SLC11A2: variants seen among roughly 807,000 people sequenced by gnomAD.
SLC11A2 encodes natural resistance-associated macrophage protein 2.
A neutral mutation model predicts 68.0 loss-of-function variants in SLC11A2; 38 were observed. The observed-to-expected ratio is 0.56, with a 90% CI of 0.43 to 0.73. The LOEUF is 0.73. Ranked by LOEUF, SLC11A2 falls within the 30% of genes least tolerant of loss-of-function variation. SLC11A2 has a pLI of 0.00. For missense variants in SLC11A2, 517 were observed against 690.5 expected, an observed-to-expected ratio of 0.75 and a Z score of 2.82; for synonymous variants, 242 against 250.6, an observed-to-expected ratio of 0.97 and a Z score of 0.32.
chr12:50,979,936 G>A (rs117273967), downstream of SLC11A2: 253 of 454,106 alleles, frequency 5.6e-4, no homozygotes, highest in Non-Finnish European at 7.4e-4. Flanking sequence ...AGAAAGAAAT[G>A]AGGAGTGAGC....
At chr12:51,006,881 G>T (rs1942776226) in intron 3 of SLC11A2, among the ~76,000 whole-genome samples, 1 of 152,022 alleles carries the variant, frequency 6.6e-6, no homozygotes, top group South Asian at 2.1e-4. Flanking sequence ...GGGACCACAG[G>T]TGTGCACCAC....
In SLC11A2 at chr12:51,008,607, G is replaced by A; in HGVS notation, c.52C>T (p.His18Tyr). ...TTACCAAGACTGGCAGACTCCCCAT[G>A]ATCTCCAGAAACACTGTCTGAATTA... ...KMSDDSVSGD[H>Y]GESASLGNIN... Residue 18 changes from histidine (H) to tyrosine (Y), a missense_variant, in exon 3 of 16, where the codon CAT (histidine) becomes TAT (tyrosine). His to Tyr is a moderately conservative substitution (Grantham distance 83). Coordinates refer to ENST00000262052, the MANE Select transcript of SLC11A2 (RefSeq NM_000617.3). The A allele has an allele frequency of 6.2e-7, 1 of 1,612,566 alleles. No individual in the cohort carries two copies.
chr12:50,955,772 T>TA, the SLC11A2 span, among the ~76,000 whole-genome samples: 15 of 152,014 alleles, frequency 9.9e-5, no homozygotes, highest in South Asian at 8.3e-4. Context: ...CATTTTTAGT[T>TA]AAAAAAAATT....
At chr12:50,954,062 A>G in the SLC11A2 span, 2 of 1,612,384 alleles carry the variant, frequency 1.2e-6, no homozygotes. Context: ...ACTAATCAGG[A>G]AATCTAGAGA....
downstream of SLC11A2, among the ~76,000 whole-genome samples, chr12:50,985,688 GA>G (rs1940473446): frequency 6.6e-6 from 1 of 152,198 alleles, no homozygotes; most frequent in African/African-American, 2.4e-5. Context: ...TCAGCTTAGA[GA>G]AAAGCAGAAT....
At chr12:50,958,733 T>C in the SLC11A2 span, among the ~76,000 whole-genome samples, 3 of 151,508 alleles carry the variant, frequency 2.0e-5, no homozygotes, top group Admixed American at 6.6e-5. Context: ...ACCCAAAAAA[T>C]AGGCCGGGCA....
rs12313853 is a variant in SLC11A2, at chr12:51,001,725, T to C, written c.430-1306A>G. ...GGCATACACCTGTAGTCCCAACTAC[T>C]TGGGAGGCTGAGGCAGGAGGACAGC... On this transcript the variant is annotated intron_variant, in intron 5 of 15. Transcript: ENST00000262052. Among the ~76,000 whole-genome samples the C allele has an allele frequency of 8.5e-3, 1,288 of 150,866 alleles. 20 individuals are homozygous for C. Among genetic ancestry groups the C allele is most frequent in the African/African-American group, 0.029 (1,190 of 41,102 alleles).
At chr12:50,955,279 A>G in the SLC11A2 span, among the ~76,000 whole-genome samples, 4 of 152,174 alleles carry the variant, frequency 2.6e-5, no homozygotes, top group African/African-American at 9.7e-5. Context: ...GAGAGATACT[A>G]TAATTAGATC....
chr12:50,961,118 T>G, the SLC11A2 span: 1 of 1,612,974 alleles, frequency 6.2e-7, no homozygotes, highest in Non-Finnish European at 8.5e-7. Flanking sequence ...CCGCTTAATT[T>G]GTATCTTATG....
chr12:50,979,018 C>A (rs1177409562), downstream of SLC11A2, among the ~76,000 whole-genome samples: 1 of 152,118 alleles, frequency 6.6e-6, no homozygotes, highest in Non-Finnish European at 1.5e-5. Context: ...TATACATTGT[C>A]AGAGCATCCT....
At chr12:51,013,668 G>A (rs1943409699) in intron 1 of SLC11A2, among the ~76,000 whole-genome samples, 1 of 151,672 alleles carries the variant, frequency 6.6e-6, no homozygotes, top group African/African-American at 2.4e-5. Context: ...TGAGCCCTGG[G>A]GTCAAGGCTG....
rs367647083 is a variant in SLC11A2, at chr12:50,991,637, C to T, written c.1383G>A (p.Thr461=). Residue 461 remains threonine (T), a synonymous_variant, in exon 14 of 16, where the codon ACG becomes ACA. Transcript: ENST00000262052. ...AGTCACTCATTACTGGCCGCAAGCT[C>T]GTAAATGTGAGGATGGGTATGAGAG... ...PFALIPILTF[T]SLRPVMSDFA... 210 of 1,613,722 alleles carry T rather than the reference C, an allele frequency of 1.3e-4. 5 individuals are homozygous for T. The South Asian group carries it at 1.5e-3, about 11-fold the overall frequency.
the SLC11A2 span, among the ~76,000 whole-genome samples, chr12:50,956,349 G>A: frequency 2.2e-4 from 33 of 152,184 alleles, no homozygotes; most frequent in Non-Finnish European, 3.8e-4. Context: ...CCAAGATTGC[G>A]CCACTGCACT....
At chr12:50,993,189 AT>A in intron 11 of SLC11A2, 1 of 194,694 alleles carries the variant, frequency 5.1e-6, no homozygotes, top group Non-Finnish European at 8.9e-6. Flanking sequence ...CATCTTAAAT[AT>A]TAAAAAAAAA....
At chr12:50,968,979 G>A in the SLC11A2 span, among the ~76,000 whole-genome samples, 7 of 151,790 alleles carry the variant, frequency 4.6e-5, no homozygotes, top group Non-Finnish European at 8.8e-5. Flanking sequence ...ACCACGCACC[G>A]CATTTATATT....
chr12:50,983,487 T>A (rs546120997), downstream of SLC11A2, among the ~76,000 whole-genome samples: 14 of 152,310 alleles, frequency 9.2e-5, no homozygotes, highest in African/African-American at 3.4e-4. Flanking sequence ...ATGTCACATA[T>A]ACTTTTGGAG....
the SLC11A2 span, among the ~76,000 whole-genome samples, chr12:50,969,186 AG>A: frequency 6.6e-6 from 1 of 151,898 alleles, no homozygotes; most frequent in Non-Finnish European, 1.5e-5. Context: ...CCCAGCTACT[AG>A]GGGGGCTGAG....
intron 15 of SLC11A2, 79 bp from the exon 16 acceptor site, chr12:50,988,514 A>C (rs927203498): frequency 6.3e-7 from 1 of 1,597,972 alleles, no homozygotes. Flanking sequence ...CTCAAATGCA[A>C]ACCTGCTCCC....
chr12:50,999,570 A>C (rs1163697484), intron 6 of SLC11A2, 155 bp from the exon 7 acceptor site: 3 of 688,316 alleles, frequency 4.4e-6, no homozygotes, highest in East Asian at 5.4e-5. Flanking sequence ...CCTTGGGTAA[A>C]GTAGGGTAAC....
Sources: gnomAD v4.1 joint callset for allele counts (sites outside exome capture counted in the v4.1 genomes callset) on GRCh38, gnomAD v4.1.1 for gene constraint, MANE v1.5 for transcripts, NCBI Gene and HGNC (gene_info 2026-07-23, HGNC 2026-07-21) for gene names.